VPS39: variants seen among roughly 807,000 people sequenced by gnomAD.
VPS39 encodes the protein VPS39 subunit of HOPS complex, also known as vam6/Vps39-like protein.
VPS39 carries 70 observed loss-of-function variants against 121.0 expected under a neutral mutation model. The observed-to-expected ratio is 0.58, with a 90% CI of 0.48 to 0.71. VPS39 has a LOEUF of 0.71. Among genes scored for constraint, VPS39 ranks in the 30% least tolerant of loss-of-function variants. The pLI, the probability that VPS39 is intolerant of heterozygous loss-of-function variation, is 0.00. For synonymous variants in VPS39, 378 were observed against 398.1 expected (o/e 0.95, Z 0.60); for missense variants, 818 against 1,051.5 (o/e 0.78, Z 3.07).
intron 7 of VPS39, among the ~76,000 whole-genome samples, chr15:42,186,405 C>A (rs547186957): frequency 6.6e-6 from 1 of 152,266 alleles, no homozygotes; most frequent in South Asian, 2.1e-4. Flanking sequence ...CCTGCCACTG[C>A]ACTCCCGCCT....
At chr15:42,192,800 A>G (rs762061873) in intron 2 of VPS39, among the ~76,000 whole-genome samples, 2 of 150,844 alleles carry the variant, frequency 1.3e-5, no homozygotes, top group Non-Finnish European at 2.9e-5. Context: ...TTTTTTTGAG[A>G]CAGAGTCTCA....
At chr15:42,161,466 C>G in intron 24 of VPS39, 1 of 677,590 alleles carries the variant, frequency 1.5e-6, no homozygotes, top group Non-Finnish European at 2.7e-6. Context: ...AATCCAACAG[C>G]TCCATACCAT....
intron 2 of VPS39, chr15:42,192,119 A>G: frequency 6.5e-7 from 1 of 1,536,260 alleles, no homozygotes; most frequent in Non-Finnish European, 8.7e-7. Context: ...AAAGGGGAAG[A>G]AAGTTATATA....
chr15:42,201,286 C>T (rs781195923), intron 1 of VPS39, among the ~76,000 whole-genome samples: 16 of 152,096 alleles, frequency 1.1e-4, no homozygotes, highest in Non-Finnish European at 1.9e-4. Context: ...AGTGATCCTC[C>T]CACCTCAGCC....
Position 42,189,124 on chromosome 15 carries a change from C to T in VPS39, c.332G>A (p.Cys111Tyr), listed in dbSNP as rs2049767565. 8.7e-6 allele frequency: 14 copies of T among 1,613,646 alleles called. No homozygotes were observed. Among genetic ancestry groups the T allele is most frequent in the Non-Finnish European group, 1.0e-5 (12 of 1,179,732 alleles). The change falls in exon 5 of 25, where the codon TGT (cysteine) becomes TAT (tyrosine). Residue 111 changes from cysteine (C) to tyrosine (Y), a missense_variant. Transcript: ENST00000318006. ...SKAKGASLFT[C>Y]DLQHTETGEE... ...CTTGGGTAAACTTACCTGGAGGTCA[C>T]AAGTAAACAGTGATGCTCCCTTTGC...
In VPS39 at chr15:42,160,694, C is replaced by T. The variant is rs1208523433; in HGVS notation, c.*60G>A. The T allele has an allele frequency of 2.0e-6, 3 of 1,490,454 alleles. No homozygotes were observed. Among genetic ancestry groups the T allele is most frequent in the Non-Finnish European group, 2.8e-6 (3 of 1,067,882 alleles). 92.3% of individuals were successfully genotyped at this position (1,490,454 alleles called of 1,614,324 possible). On this transcript the variant is annotated 3_prime_UTR_variant, in exon 25 of 25. Transcript: ENST00000318006. Reference sequence around the variant, plus strand: ...CAGCCAGGATTCCTAAGGCCAGGTGCTCCTTCACCTCTCTGGGAGAGCCAA... The same window carrying T: ...CAGCCAGGATTCCTAAGGCCAGGTGTTCCTTCACCTCTCTGGGAGAGCCAA...
intron 1 of VPS39, among the ~76,000 whole-genome samples, chr15:42,200,314 T>C (rs903315637): frequency 6.6e-6 from 1 of 152,010 alleles, no homozygotes; most frequent in African/African-American, 2.4e-5. Context: ...TTGTTATATA[T>C]ACTTTTATTA....
chr15:42,165,160 A>G, intron 17 of VPS39, 47 bp from the exon 18 acceptor site: 1 of 1,570,480 alleles, frequency 6.4e-7, no homozygotes. Flanking sequence ...CCAGGCTGTG[A>G]CCTGGTCTCC....
chr15:42,175,584 T>C (rs1216899076), intron 10 of VPS39, among the ~76,000 whole-genome samples: 3 of 152,108 alleles, frequency 2.0e-5, no homozygotes, highest in Non-Finnish European at 4.4e-5. Context: ...TCAAATTTAG[T>C]TTTTTCTTTC....
At chr15:42,186,115 T>A (rs149578161) in intron 7 of VPS39, among the ~76,000 whole-genome samples, 1 of 152,158 alleles carries the variant, frequency 6.6e-6, no homozygotes, top group East Asian at 1.9e-4. Flanking sequence ...GATATTCAAA[T>A]GACACAAAGA....
At chr15:42,196,052 C>T (rs1240176176) in intron 2 of VPS39, among the ~76,000 whole-genome samples, 1 of 152,048 alleles carries the variant, frequency 6.6e-6, no homozygotes, top group Non-Finnish European at 1.5e-5. Flanking sequence ...ACAAACCTGA[C>T]AAAAACAAGA....
chr15:42,160,686 G>A lies in VPS39; in HGVS notation c.*68C>T, dbSNP rs1034681114. The A allele has an allele frequency of 1.9e-5, 27 of 1,439,380 alleles. No homozygotes were observed. Among genetic ancestry groups the A allele is most frequent in the Admixed American group, 3.3e-5 (2 of 59,748 alleles). 89.2% of individuals were successfully genotyped at this position (1,439,380 alleles called of 1,614,324 possible). Reference sequence around the variant, plus strand: ...GGTGGTGGCAGCCAGGATTCCTAAGGCCAGGTGCTCCTTCACCTCTCTGGG... The same window carrying A: ...GGTGGTGGCAGCCAGGATTCCTAAGACCAGGTGCTCCTTCACCTCTCTGGG... On this transcript the variant is annotated 3_prime_UTR_variant, in exon 25 of 25. Transcript: ENST00000318006.
intron 8 of VPS39, among the ~76,000 whole-genome samples, chr15:42,180,919 G>A (rs2049568093): frequency 1.3e-5 from 2 of 152,098 alleles, no homozygotes; most frequent in Non-Finnish European, 2.9e-5. Flanking sequence ...ACTGTTGGTG[G>A]GACTGTAAAA....
chr15:42,164,778 G>A (rs777112752), intron 18 of VPS39: 46 of 1,429,788 alleles, frequency 3.2e-5, no homozygotes, highest in Non-Finnish European at 4.1e-5. Flanking sequence ...CTCCCCGAGG[G>A]ATGACTCTGA....
rs558852274 is a variant in VPS39, at chr15:42,162,326, C to A, written c.2325+6G>T. ...ACCCTCCATCTCCCTAGGAACAACT[C>A]CTGACCTTGGTGGTGTCCAGTTTGC... On this transcript the variant is annotated splice_donor_region_variant and intron_variant, in intron 22 of 24. Coordinates refer to ENST00000318006, the MANE Select transcript of VPS39 (RefSeq NM_015289.5). 8.7e-6 allele frequency: 14 copies of A among 1,607,316 alleles called. No homozygotes were observed. In the South Asian group the frequency reaches 1.2e-4, roughly 14 times the overall value.
At chr15:42,187,558 G>A (rs1315073818) in intron 6 of VPS39, among the ~76,000 whole-genome samples, 195 bp from the exon 7 acceptor site, 1 of 152,166 alleles carries the variant, frequency 6.6e-6, no homozygotes. Context: ...TTTGGAAAAG[G>A]TGAAAACCCA....
intron 15 of VPS39, 111 bp downstream of exon 15, chr15:42,166,452 G>C: frequency 3.9e-6 from 5 of 1,285,116 alleles, no homozygotes; most frequent in Non-Finnish European, 5.5e-6. Flanking sequence ...ATGAAATTGA[G>C]TGAACACGAG....
At chr15:42,195,508 G>A (rs1246076011) in intron 2 of VPS39, among the ~76,000 whole-genome samples, 1 of 152,142 alleles carries the variant, frequency 6.6e-6, no homozygotes, top group East Asian at 1.9e-4. Flanking sequence ...AAAACCACAA[G>A]CATTCTTATA....
intron 11 of VPS39, 135 bp downstream of exon 11, chr15:42,173,588 C>A: frequency 8.5e-7 from 1 of 1,179,342 alleles, no homozygotes; most frequent in Non-Finnish European, 1.2e-6. Context: ...CCCACAGGAT[C>A]TTGCTAGGTA....
Sources: allele counts gnomAD v4.1 joint callset (sites outside exome capture counted in the v4.1 genomes callset), GRCh38; gene constraint gnomAD v4.1.1; transcripts MANE v1.5; gene names NCBI Gene and HGNC (gene_info 2026-07-23, HGNC 2026-07-21).